The following L3MBTL2 variants were observed in gnomAD, a reference collection of about 807,000 sequenced individuals.
The protein encoded by L3MBTL2 is lethal(3)malignant brain tumor-like protein 2.
L3MBTL2 carries 49 observed loss-of-function variants against 86.4 expected under a neutral mutation model. That is an observed-to-expected ratio of 0.57 (90% CI 0.45 to 0.72). L3MBTL2 has a LOEUF of 0.72. Ranked by LOEUF, L3MBTL2 falls within the 30% of genes least tolerant of loss-of-function variation. The pLI is 0.00. For missense variants in L3MBTL2, 755 were observed against 923.7 expected (o/e 0.82, Z 2.37); for synonymous variants, 336 against 350.6 (o/e 0.96, Z 0.47).
intron 2 of L3MBTL2, 65 bp downstream of exon 2, chr22:41,209,998 G>C (rs2030590999): frequency 1.3e-6 from 2 of 1,578,488 alleles, no homozygotes; most frequent in Admixed American, 1.7e-5. Flanking sequence ...GAGGGGGGTG[G>C]ATATAGGCTA....
At chr22:41,216,665 T>TA (rs2031391346) in intron 4 of L3MBTL2, among the ~76,000 whole-genome samples, 1 of 152,172 alleles carries the variant, frequency 6.6e-6, no homozygotes, top group Non-Finnish European at 1.5e-5. Context: ...AAGTTAAATG[T>TA]ATGCATAAAG....
intron 5 of L3MBTL2, chr22:41,218,999 T>G: frequency 1.3e-5 from 2 of 158,594 alleles, no homozygotes; most frequent in Non-Finnish European, 2.8e-5. Flanking sequence ...AACAAGGGGG[T>G]CATAATGCCC....
At chr22:41,216,099 C>T (rs750903642) in intron 3 of L3MBTL2, 40 bp from the exon 4 acceptor site, 4 of 1,578,768 alleles carry the variant, frequency 2.5e-6, no homozygotes, top group Non-Finnish European at 3.4e-6. Flanking sequence ...CTCATGATCC[C>T]AGCCGCCAGG....
rs772842858 is a variant in L3MBTL2, at chr22:41,224,771, C to T, written c.1221C>T (p.Tyr407=). 1.9e-6 allele frequency: 3 copies of T among 1,613,900 alleles called. No homozygotes were observed. The highest frequency in any genetic ancestry group is 2.5e-6 in the Non-Finnish European group (3 of 1,179,870). Residue 407 remains tyrosine (Y), a synonymous_variant, in exon 10 of 17, where the codon TAC becomes TAT. Coordinates refer to ENST00000216237, the MANE Select transcript of L3MBTL2 (RefSeq NM_031488.5). The surrounding 1 kb of genome is among the most constrained non-coding windows in gnomAD (Gnocchi z 4.9). ...ATCACCCCACCTTCCGGAAGATCTA[C>T]TGTGATGCCGTTCCTTACCTCTTCA... is the stretch of plus-strand genomic sequence containing the variant. ...MAHHPTFRKI[Y]CDAVPYLFKK...
rs576076981 is a variant in L3MBTL2 at position 41,230,188 on chromosome 22, C to G, written c.2055C>G (p.Asp685Glu). ...AGCATCTAGACGTGGCCTCGCCCGA[C>G]AAGGCTTCAAGTCCAGAGCTGCCTG... The part of the protein sequence containing the change: ...KEEHLDVASP[D>E]KASSPELPVS... The change falls in exon 17 of 17, where the codon GAC (aspartate) becomes GAG (glutamate). Residue 685 changes from aspartate (D) to glutamate (E), a missense_variant. Transcript: ENST00000216237. The G allele has an allele frequency of 1.9e-5, 31 of 1,613,450 alleles. 1 individual carries two copies. In the South Asian group the frequency reaches 3.1e-4, roughly 16 times the overall value.
intron 1 of L3MBTL2, 105 bp from the exon 2 acceptor site, chr22:41,209,591 G>A (rs1377879097): frequency 2.2e-6 from 2 of 912,870 alleles, no homozygotes; most frequent in Non-Finnish European, 3.5e-6. Context: ...TATTTGAAAG[G>A]TTCCCGAAAG....
chr22:41,230,337 C>T lies in L3MBTL2; in HGVS notation c.*86C>T. 1 of 969,090 alleles carries T rather than the reference C, an allele frequency of 1.0e-6. No homozygotes were observed. The highest frequency in any genetic ancestry group is 1.6e-6 in the Non-Finnish European group (1 of 611,478). The allele number at this position is 969,090 out of a possible 1,614,324, so 60.0% of individuals were successfully genotyped here. ...CCACCATGCCTCCACCTGACTTTGG[C>T]TTGGAGACTGATCCTCTCTGTGTAA... On this transcript the variant is annotated 3_prime_UTR_variant, in exon 17 of 17. Coordinates refer to ENST00000216237, the MANE Select transcript of L3MBTL2 (RefSeq NM_031488.5).
chr22:41,224,348 AGGTTG>A lies in L3MBTL2; in HGVS notation c.1174+99_1174+103del. On this transcript the variant is annotated intron_variant, in intron 9 of 16. Transcript: ENST00000216237. This position sits in a 1 kb window ranked among gnomAD's most constrained non-coding sequence, Gnocchi z 4.9. The stretch of plus-strand genomic sequence containing the variant: ...CTCGTCACAGCAGGTCAGCAGGTGG[AGGTTG>A]GCATGGCCCCCCTGCAGTGATGATA... 1.1e-6 allele frequency: 1 copy of A among 943,646 alleles called. No individual in the cohort carries two copies. Among genetic ancestry groups the A allele is most frequent in the Non-Finnish European group, 1.6e-6 (1 of 622,996 alleles). 58.5% of individuals were successfully genotyped at this position (943,646 alleles called of 1,614,324 possible). A position where few individuals can be genotyped will look rare whatever the true frequency, so the allele number is the denominator to read the frequency against.
rs1209217118 is a variant in L3MBTL2 at position 41,227,534 on chromosome 22, C to T, written c.1822+211C>T. ...TGGCCTGCAGAGCTCCTTCCTTCAT[C>T]TTGCCCACTCTGTCATATGTTCGTG... On this transcript the variant is annotated intron_variant, in intron 14 of 16. Transcript: ENST00000216237. This position sits in a 1 kb window ranked among gnomAD's most constrained non-coding sequence, Gnocchi z 6.0. 2.2e-5 allele frequency: 33 copies of T among 1,484,766 alleles called. No homozygotes were observed. Among genetic ancestry groups the T allele is most frequent in the Non-Finnish European group, 3.0e-5 (33 of 1,087,918 alleles). 92.0% of individuals were successfully genotyped at this position (1,484,766 alleles called of 1,614,324 possible).
rs1202022235 is a variant in L3MBTL2 at position 41,209,886 on chromosome 22, T to C, written c.215T>C (p.Leu72Pro). Reference protein sequence around the residue: ...GELPTSPLHLLSPGTPRSLDG... With the variant: ...GELPTSPLHLPSPGTPRSLDG... ...CTGCCGACCTCCCCGCTGCATTTGC[T>C]CAGCCCTGGGACTCCTCGCTCCTTG... Residue 72 changes from leucine to proline, a missense_variant, in exon 2 of 17, where the codon CTC becomes CCC. Coordinates refer to ENST00000216237, the MANE Select transcript of L3MBTL2 (RefSeq NM_031488.5). 6.2e-7 allele frequency: 1 copy of C among 1,614,088 alleles called. No homozygotes were observed. Among genetic ancestry groups the C allele is most frequent in the Non-Finnish European group, 8.5e-7 (1 of 1,179,996 alleles).
chr22:41,213,838 T>C (rs1360355302), intron 2 of L3MBTL2, 55 bp from the exon 3 acceptor site: 2 of 1,600,852 alleles, frequency 1.2e-6, no homozygotes, highest in East Asian at 4.5e-5. Context: ...CCCATCACTT[T>C]GTTTGCTTTG....
At position 41,227,719 on chromosome 22, in the gene L3MBTL2, G is replaced by T; in HGVS notation, c.1823-85G>T. 6.2e-7 allele frequency: 1 copy of T among 1,605,896 alleles called. No individual in the cohort carries two copies. ...CTTGGGGTGTCTCGTGTGGGAGGGT[G>T]GATGGGGTCTCGGGATGCGCCTGTG... On this transcript the variant is annotated intron_variant, in intron 14 of 16. Transcript: ENST00000216237. This position sits in a 1 kb window ranked among gnomAD's most constrained non-coding sequence, Gnocchi z 6.0.
At chr22:41,229,870 CCCTCCT>C in intron 16 of L3MBTL2, 1 of 800,656 alleles carries the variant, frequency 1.2e-6, no homozygotes, top group Non-Finnish European at 2.1e-6. Context: ...CGGCCCCGGC[CCCTCCT>C]CCTCCTCCAT....
chr22:41,230,597 G>A lies in L3MBTL2; in HGVS notation c.*346G>A. The A allele has an allele frequency of 3.0e-6, 1 of 329,908 alleles. No individual in the cohort carries two copies. Among genetic ancestry groups the A allele is most frequent in the African/African-American group, 2.2e-5 (1 of 46,374 alleles). The allele number at this position is 329,908 out of a possible 1,614,324, so 20.4% of individuals were successfully genotyped here. ...CCCGCCACGGCCCTCAGTTGCCAGG[G>A]ATGGGGCCACCACTGTCACACTGTG... is the stretch of plus-strand genomic sequence containing the variant. On this transcript the variant is annotated 3_prime_UTR_variant, in exon 17 of 17. Coordinates refer to ENST00000216237, the MANE Select transcript of L3MBTL2 (RefSeq NM_031488.5).
intron 1 of L3MBTL2, 21 bp downstream of exon 1, chr22:41,205,407 C>T (rs1555914605): frequency 1.9e-6 from 3 of 1,614,004 alleles, no homozygotes; most frequent in East Asian, 4.5e-5. Context: ...GAGGACTTAG[C>T]GTGACTGGGA....
At chr22:41,210,391 G>C (rs7289858) in intron 2 of L3MBTL2, among the ~76,000 whole-genome samples, 63,143 of 151,262 alleles carry the variant, frequency 0.42, 13,821 homozygotes, top group African/African-American at 0.56. Flanking sequence ...GTGCAGTGGC[G>C]CGATCTCGGC....
In L3MBTL2 at chr22:41,224,346, G is replaced by A; in HGVS notation, c.1174+95G>A. 2.0e-6 allele frequency: 2 copies of A among 994,258 alleles called. No individual in the cohort carries two copies. Among genetic ancestry groups the A allele is most frequent in the Non-Finnish European group, 1.5e-6 (1 of 667,432 alleles). 61.6% of individuals were successfully genotyped at this position (994,258 alleles called of 1,614,324 possible). A position where few individuals can be genotyped will look rare whatever the true frequency, so the allele number is the denominator to read the frequency against. ...TACTCGTCACAGCAGGTCAGCAGGT[G>A]GAGGTTGGCATGGCCCCCCTGCAGT... On this transcript the variant is annotated intron_variant, in intron 9 of 16. Transcript: ENST00000216237. The surrounding 1 kb of genome is among the most constrained non-coding windows in gnomAD (Gnocchi z 4.9).
At chr22:41,206,500 T>C (rs2030221437) in intron 1 of L3MBTL2, among the ~76,000 whole-genome samples, 1 of 152,038 alleles carries the variant, frequency 6.6e-6, no homozygotes, top group Non-Finnish European at 1.5e-5. Context: ...AGGGTACCTA[T>C]ATTTGAATTG....
At chr22:41,210,822 G>A (rs989474528) in intron 2 of L3MBTL2, among the ~76,000 whole-genome samples, 48 of 152,180 alleles carry the variant, frequency 3.2e-4, no homozygotes, top group African/African-American at 1.1e-3. Context: ...TGTGTATTCA[G>A]CACAGATTAG....
Sources: allele counts gnomAD v4.1 joint callset (sites outside exome capture counted in the v4.1 genomes callset), GRCh38; gene constraint gnomAD v4.1.1; non-coding constraint Gnocchi (gnomAD v3.1); transcripts MANE v1.5; gene names NCBI Gene and HGNC (gene_info 2026-07-23, HGNC 2026-07-21).